NEK11: variants seen among roughly 807,000 people sequenced by gnomAD.
NEK11 encodes NIMA related kinase 11, also known as serine/threonine-protein kinase Nek11.
In NEK11, 72 loss-of-function variants were observed where a neutral mutation model predicts 80.7. That is an observed-to-expected ratio of 0.89 (90% CI 0.74 to 1.08). NEK11 has a LOEUF of 1.08. NEK11 is among the 50% of genes least tolerant of loss of function. The pLI is 0.00. For synonymous variants in NEK11, 251 were observed against 260.7 expected, an observed-to-expected ratio of 0.96 and a Z score of 0.36; for missense variants, 764 against 763.6, an observed-to-expected ratio of 1.00 and a Z score of -0.01.
intron 17 of NEK11, among the ~76,000 whole-genome samples, chr3:131,333,809 G>T (rs1007116313): frequency 1.3e-5 from 2 of 152,128 alleles, no homozygotes; most frequent in Non-Finnish European, 2.9e-5. Flanking sequence ...GAAGGCAGGG[G>T]TTGCAATCCT....
At chr3:131,075,920 G>A (rs1467426454) in intron 3 of NEK11, among the ~76,000 whole-genome samples, 1 of 152,186 alleles carries the variant, frequency 6.6e-6, no homozygotes, top group East Asian at 1.9e-4. Context: ...CTAGAGGGCA[G>A]AACATCACCA....
intron 5 of NEK11, among the ~76,000 whole-genome samples, chr3:131,118,072 C>T (rs2081613395): frequency 6.6e-6 from 1 of 152,108 alleles, no homozygotes; most frequent in South Asian, 2.1e-4. Flanking sequence ...CAGAATGCTT[C>T]CAGTTTTTGC....
intron 14 of NEK11, among the ~76,000 whole-genome samples, chr3:131,179,745 G>T (rs998074785): frequency 1.3e-5 from 2 of 152,002 alleles, no homozygotes; most frequent in African/African-American, 4.8e-5. Flanking sequence ...ACACAGTTTT[G>T]CACATTTGAA....
intron 5 of NEK11, among the ~76,000 whole-genome samples, chr3:131,120,410 C>T (rs1014473295): frequency 1.4e-4 from 21 of 152,186 alleles, no homozygotes; most frequent in Admixed American, 5.2e-4. Context: ...CTGCGCTTAA[C>T]ATTTTTTCCT....
intron 14 of NEK11, among the ~76,000 whole-genome samples, chr3:131,208,230 C>T (rs1373811045): frequency 1.3e-5 from 2 of 152,182 alleles, no homozygotes; most frequent in African/African-American, 4.8e-5. Context: ...GGAATCCTTT[C>T]CCCATTTCTT....
intron 17 of NEK11, chr3:131,328,869 T>G (rs1204837493): frequency 1.3e-5 from 2 of 152,254 alleles, no homozygotes; most frequent in Non-Finnish European, 2.9e-5. Flanking sequence ...TGGCATCTGC[T>G]GAACAACACT....
chr3:131,120,829 C>T (rs1158783506), intron 5 of NEK11, among the ~76,000 whole-genome samples: 1 of 152,178 alleles, frequency 6.6e-6, no homozygotes, highest in Admixed American at 6.5e-5. Flanking sequence ...TCAGTTCCAT[C>T]AGGTCATTTA....
At chr3:131,297,588 G>A (rs1362634937) in intron 17 of NEK11, among the ~76,000 whole-genome samples, 12 of 152,172 alleles carry the variant, frequency 7.9e-5, no homozygotes, top group Middle Eastern at 3.4e-3. Context: ...AGTAGGTTGC[G>A]AAAATTTTCT....
intron 17 of NEK11, among the ~76,000 whole-genome samples, chr3:131,297,489 A>G (rs1465370582): frequency 2.0e-5 from 3 of 151,890 alleles, no homozygotes; most frequent in Non-Finnish European, 2.9e-5. Context: ...CATGTCCTTC[A>G]CCCACTTTTT....
intron 15 of NEK11, among the ~76,000 whole-genome samples, chr3:131,231,832 A>G (rs2107850992): frequency 6.6e-6 from 1 of 152,120 alleles, no homozygotes. Flanking sequence ...TGAGTGTGCC[A>G]GGGTCTGCTT....
intron 5 of NEK11, among the ~76,000 whole-genome samples, chr3:131,112,293 A>C (rs1162938088): frequency 6.6e-6 from 1 of 152,148 alleles, no homozygotes; most frequent in Non-Finnish European, 1.5e-5. Flanking sequence ...TGAATCTCAG[A>C]GATCAGAGGT....
chr3:131,146,770 C>T (rs186278639), intron 7 of NEK11, among the ~76,000 whole-genome samples: 1 of 151,962 alleles, frequency 6.6e-6, no homozygotes, highest in African/African-American at 2.4e-5. Context: ...TGGTAGTACA[C>T]AGTGGTTGTA....
intron 4 of NEK11, 62 bp from the exon 5 acceptor site, chr3:131,109,741 A>T: frequency 6.6e-7 from 1 of 1,503,824 alleles, no homozygotes; most frequent in Non-Finnish European, 8.9e-7. Context: ...AACTGTTGTT[A>T]AGTGAACTTG....
intron 14 of NEK11, among the ~76,000 whole-genome samples, chr3:131,226,272 A>T (rs188561164): frequency 2.3e-4 from 35 of 152,308 alleles, no homozygotes; most frequent in Non-Finnish European, 4.0e-4. Context: ...TTTAGTTTTC[A>T]TACACTTCTC....
chr3:131,207,590 A>G (rs967439767), intron 14 of NEK11, among the ~76,000 whole-genome samples: 4 of 152,066 alleles, frequency 2.6e-5, no homozygotes, highest in African/African-American at 9.7e-5. Context: ...AGAAAAAAAA[A>G]AAGTGTTCCT....
intron 3 of NEK11, among the ~76,000 whole-genome samples, chr3:131,069,194 A>T (rs2072693051): frequency 6.6e-6 from 1 of 152,082 alleles, no homozygotes; most frequent in African/African-American, 2.4e-5. Context: ...TTATAATTTA[A>T]TTTTACTTTA....
chr3:131,066,651 T>A (rs2072021883), intron 3 of NEK11, among the ~76,000 whole-genome samples: 2 of 151,788 alleles, frequency 1.3e-5, no homozygotes, highest in South Asian at 4.2e-4. Context: ...CTGGCCAACA[T>A]GGTGAAACCC....
intron 4 of NEK11, among the ~76,000 whole-genome samples, chr3:131,091,078 A>G (rs2076667692): frequency 6.6e-6 from 1 of 152,208 alleles, no homozygotes; most frequent in African/African-American, 2.4e-5. Context: ...TTATTAAAGA[A>G]CACAGTAAAT....
intron 14 of NEK11, chr3:131,174,735 C>T: frequency 1.3e-6 from 2 of 1,598,290 alleles, no homozygotes; most frequent in Non-Finnish European, 1.7e-6. Context: ...CTTCTTTGTA[C>T]TCTAGCATTT....
Sources: allele counts gnomAD v4.1 joint callset (sites outside exome capture counted in the v4.1 genomes callset), GRCh38; gene constraint gnomAD v4.1.1; transcripts MANE v1.5; gene names NCBI Gene and HGNC (gene_info 2026-07-23, HGNC 2026-07-21).